Variants in FUT9 observed in about 807,000 individuals in gnomAD.
The protein encoded by FUT9 is fucosyltransferase 9.
A neutral mutation model predicts 29.7 loss-of-function variants in FUT9; 15 were observed. That is an observed-to-expected ratio of 0.51 (90% CI 0.34 to 0.78). The LOEUF is 0.78. Among genes scored for constraint, FUT9 ranks in the 30% least tolerant of loss-of-function variants. The probability of loss-of-function intolerance (pLI) is 0.01; values close to 1 mark genes in which losing one functional copy is unlikely to be tolerated. For missense variants in FUT9, 319 were observed against 425.4 expected (o/e 0.75, Z 2.20); for synonymous variants, 169 against 153.7 (o/e 1.10, Z -0.74).
intron 1 of FUT9, among the ~76,000 whole-genome samples, chr6:96,067,235 G>A (rs772803324): frequency 3.3e-5 from 5 of 150,392 alleles, no homozygotes; most frequent in East Asian, 1.9e-4. Flanking sequence ...TGTTGTATAC[G>A]CACATACTCA....
At chr6:96,129,880 A>G (rs2127968644) in intron 2 of FUT9, among the ~76,000 whole-genome samples, 1 of 152,266 alleles carries the variant, frequency 6.6e-6, no homozygotes, top group Middle Eastern at 3.4e-3. Context: ...ATTATCAGTC[A>G]ATTAGTGATA....
chr6:96,134,594 A>G (rs1164472461), intron 2 of FUT9, among the ~76,000 whole-genome samples: 1 of 151,942 alleles, frequency 6.6e-6, no homozygotes, highest in Non-Finnish European at 1.5e-5. Flanking sequence ...TTTGACAATT[A>G]TAGTGTTAAA....
chr6:96,191,310 T>A (rs1773504591), intron 2 of FUT9, among the ~76,000 whole-genome samples: 1 of 151,856 alleles, frequency 6.6e-6, no homozygotes, highest in East Asian at 1.9e-4. Context: ...TTTGAAAAGA[T>A]CAACAAAATT....
chr6:96,153,809 A>G (rs980875189), intron 2 of FUT9, among the ~76,000 whole-genome samples: 10 of 152,030 alleles, frequency 6.6e-5, no homozygotes, highest in Admixed American at 3.9e-4. Context: ...TAAAAAAATT[A>G]GAATGTCTTT....
chr6:96,172,041 A>G (rs1773121676), intron 2 of FUT9, among the ~76,000 whole-genome samples: 1 of 152,188 alleles, frequency 6.6e-6, no homozygotes, highest in Non-Finnish European at 1.5e-5. Flanking sequence ...TATTTCTAAG[A>G]GTTCCAGGGG....
At chr6:96,136,405 C>A (rs1476160255) in intron 2 of FUT9, among the ~76,000 whole-genome samples, 1 of 151,838 alleles carries the variant, frequency 6.6e-6, no homozygotes, top group Non-Finnish European at 1.5e-5. Flanking sequence ...TCCTGAAAAT[C>A]TTGACAGATA....
rs1422296578 is a variant in FUT9, at chr6:96,102,702, T to TA, written c.-97-11335dup. 3.3e-5 allele frequency among the ~76,000 whole-genome samples: 5 copies of TA among 152,332 alleles called. No individual in the cohort carries two copies. In the East Asian group the frequency reaches 7.7e-4, roughly 23 times the overall value. On this transcript the variant is annotated intron_variant, in intron 1 of 2. Transcript: ENST00000302103. ...TTCAAGCTTCTTAATTTTCTTTTTT[T>TA]AATCAGCTTTTTCAGGTTGAAAAAT...
intron 1 of FUT9, among the ~76,000 whole-genome samples, chr6:96,045,048 T>G (rs1341824917): frequency 6.6e-6 from 1 of 152,158 alleles, no homozygotes; most frequent in Admixed American, 6.5e-5. Context: ...GGGGTGGAGA[T>G]TGACCAGGCT....
intron 1 of FUT9, among the ~76,000 whole-genome samples, chr6:96,058,154 AGTTC>A (rs1410522890): frequency 5.3e-5 from 8 of 152,060 alleles, no homozygotes; most frequent in Non-Finnish European, 1.0e-4. Context: ...CGTTGGGTGC[AGTTC>A]TATTCTGTTA....
chr6:96,049,667 G>A (rs758561321), intron 1 of FUT9, among the ~76,000 whole-genome samples: 3 of 152,308 alleles, frequency 2.0e-5, no homozygotes, highest in South Asian at 2.1e-4. Context: ...CGTCTGGAGT[G>A]AGAAATACAA....
chr6:96,033,672 A>C (rs1770302212), intron 1 of FUT9, among the ~76,000 whole-genome samples: 2 of 151,654 alleles, frequency 1.3e-5, no homozygotes, highest in South Asian at 2.1e-4. Flanking sequence ...TAGACAGCTA[A>C]TTTTTTCAAA....
At chr6:96,189,202 G>A (rs1420485885) in intron 2 of FUT9, among the ~76,000 whole-genome samples, 1 of 151,992 alleles carries the variant, frequency 6.6e-6, no homozygotes, top group Admixed American at 6.6e-5. Context: ...AGTAAAGAGA[G>A]GAGGGAATCT....
At chr6:96,058,141 TTGCGTTGGG>T (rs1181944554) in intron 1 of FUT9, among the ~76,000 whole-genome samples, 8 of 151,998 alleles carry the variant, frequency 5.3e-5, no homozygotes, top group Non-Finnish European at 1.0e-4. Flanking sequence ...ACAAGGCACT[TTGCGTTGGG>T]TGCAGTTCTA....
intron 2 of FUT9, among the ~76,000 whole-genome samples, chr6:96,179,849 T>G (rs1282360983): frequency 6.6e-6 from 1 of 152,120 alleles, no homozygotes; most frequent in Non-Finnish European, 1.5e-5. Flanking sequence ...CAGATTTGCC[T>G]ACTGAACACA....
chr6:96,186,550 A>G (rs1773409574), intron 2 of FUT9, among the ~76,000 whole-genome samples: 1 of 152,114 alleles, frequency 6.6e-6, no homozygotes, highest in Admixed American at 6.6e-5. Context: ...GATTTATCAT[A>G]TATATAGAAT....
intron 1 of FUT9, among the ~76,000 whole-genome samples, chr6:96,028,861 T>C (rs1388430989): frequency 6.6e-6 from 1 of 151,596 alleles, no homozygotes; most frequent in Non-Finnish European, 1.5e-5. Context: ...AAAGAAGTTA[T>C]CTATTTTAAT....
intron 1 of FUT9, among the ~76,000 whole-genome samples, chr6:96,052,740 T>C (rs75993510): frequency 0.01 from 1,584 of 152,222 alleles, 18 homozygotes; most frequent in African/African-American, 0.036. Flanking sequence ...TACACTATAA[T>C]TAAAAGTTTC....
chr6:96,093,647 C>T (rs781077127), intron 1 of FUT9, among the ~76,000 whole-genome samples: 4 of 152,066 alleles, frequency 2.6e-5, no homozygotes, highest in Non-Finnish European at 5.9e-5. Flanking sequence ...TTTCTCCATG[C>T]CCATATTATT....
intron 1 of FUT9, among the ~76,000 whole-genome samples, chr6:96,070,665 C>T (rs144160210): frequency 1.3e-3 from 198 of 151,534 alleles, no homozygotes; most frequent in African/African-American, 4.5e-3. Context: ...CCAGCCTGAG[C>T]GACAGAGGAA....
Sources: allele counts gnomAD v4.1 joint callset (sites outside exome capture counted in the v4.1 genomes callset), GRCh38; gene constraint gnomAD v4.1.1; transcripts MANE v1.5; gene names NCBI Gene and HGNC (gene_info 2026-07-23, HGNC 2026-07-21).